The following RCL1 variants were observed in gnomAD, a reference collection of about 807,000 sequenced individuals.
RCL1 encodes the protein RNA 3'-terminal phosphate cyclase-like protein.
Under a neutral mutation model 42.4 loss-of-function variants are expected in RCL1, and 24 were observed. The ratio of observed to expected loss-of-function variants is 0.57; its 90% CI spans 0.41 to 0.80. The LOEUF (loss-of-function observed/expected upper bound fraction) is 0.80. Among genes scored for constraint, RCL1 ranks in the 30% least tolerant of loss-of-function variants. The probability of loss-of-function intolerance (pLI) is 0.00; values close to 1 mark genes in which losing one functional copy is unlikely to be tolerated. For missense variants in RCL1, 578 were observed against 467.9 expected (o/e 1.24, Z -2.17); for synonymous variants, 228 against 177.3 (o/e 1.29, Z -2.27).
intron 1 of RCL1, among the ~76,000 whole-genome samples, chr9:4,795,120 C>G (rs958705459): frequency 2.0e-5 from 3 of 152,116 alleles, no homozygotes; most frequent in African/African-American, 7.2e-5. Flanking sequence ...CTCTGTCTCC[C>G]AGGCTGGAGT....
At chr9:4,826,592 C>T (rs1816770392) in intron 2 of RCL1, among the ~76,000 whole-genome samples, 2 of 152,166 alleles carry the variant, frequency 1.3e-5, no homozygotes, top group African/African-American at 4.8e-5. Context: ...CTGTGCCCTG[C>T]CATGACTCTG....
At chr9:4,840,724 TTTTTCTGCTTCTC>T (rs1817288170) in intron 5 of RCL1, among the ~76,000 whole-genome samples, 1 of 152,214 alleles carries the variant, frequency 6.6e-6, no homozygotes, top group Admixed American at 6.5e-5. Context: ...TTCACTGAAC[TTTTTCTGCTTCTC>T]CCATCAGCAT....
chr9:4,833,817 G>T (rs774653056), intron 4 of RCL1, among the ~76,000 whole-genome samples: 5 of 152,132 alleles, frequency 3.3e-5, no homozygotes, highest in African/African-American at 4.8e-5. Context: ...GAGAAAAAGG[G>T]GTTTCTGATT....
At chr9:4,840,451 G>A (rs983695876) in intron 5 of RCL1, among the ~76,000 whole-genome samples, 4 of 152,112 alleles carry the variant, frequency 2.6e-5, no homozygotes, top group African/African-American at 9.7e-5. Flanking sequence ...GCCAGCTTCT[G>A]TTATAAAGTC....
chr9:4,797,099 G>C (rs989440798), intron 1 of RCL1, among the ~76,000 whole-genome samples: 2 of 152,130 alleles, frequency 1.3e-5, no homozygotes, highest in African/African-American at 2.4e-5. Flanking sequence ...TCTGCCTTTC[G>C]CTATTAGCTC....
In RCL1 at chr9:4,843,392, A is replaced by G. The variant is rs1249552130; in HGVS notation, c.711-1133A>G. Among the ~76,000 whole-genome samples the G allele has an allele frequency of 2.0e-5, 3 of 151,674 alleles. No homozygotes were observed. The East Asian group carries it at 5.8e-4, about 29-fold the overall frequency. On this transcript the variant is annotated intron_variant, in intron 6 of 8. Coordinates refer to ENST00000381750, the MANE Select transcript of RCL1 (RefSeq NM_005772.5). ...CTCACAGTAATTTTTTTTTTTCTTA[A>G]TTGGGTCCTTTACCAAGGAAAGCTG... is the stretch of plus-strand genomic sequence containing the variant.
intron 8 of RCL1, among the ~76,000 whole-genome samples, chr9:4,850,569 A>G (rs1187038018): frequency 1.5e-5 from 2 of 135,212 alleles, no homozygotes; most frequent in Non-Finnish European, 3.1e-5. Flanking sequence ...ACATTCTGTT[A>G]GCAGAGAGGG....
chr9:4,843,710 G>A (rs1032152344), intron 6 of RCL1, among the ~76,000 whole-genome samples: 4 of 152,192 alleles, frequency 2.6e-5, no homozygotes, highest in African/African-American at 9.7e-5. Context: ...GCAGGTAAAT[G>A]GGTAAAGCAG....
At chr9:4,844,780 GC>G (rs1200658425) in intron 7 of RCL1, 99 bp downstream of exon 7, 9 of 1,207,272 alleles carry the variant, frequency 7.5e-6, no homozygotes, top group Non-Finnish European at 1.1e-5. Flanking sequence ...AAGGGCTCAA[GC>G]CAAGGAGATA....
intron 3 of RCL1, among the ~76,000 whole-genome samples, chr9:4,829,735 G>A (rs1425454543): frequency 6.6e-6 from 1 of 152,182 alleles, no homozygotes; most frequent in Non-Finnish European, 1.5e-5. Flanking sequence ...TGGTAGTGGT[G>A]TGTGTATGCA....
rs557449242 is a variant in RCL1 at position 4,802,492 on chromosome 9, C to G, written c.136+9265C>G. Among the ~76,000 whole-genome samples, 53 of 152,262 alleles carry G rather than the reference C, an allele frequency of 3.5e-4. 1 individual carries two copies. Among genetic ancestry groups the G allele is most frequent in the African/African-American group, 1.0e-3 (42 of 41,574 alleles). On this transcript the variant is annotated intron_variant, in intron 1 of 8. Coordinates refer to ENST00000381750, the MANE Select transcript of RCL1 (RefSeq NM_005772.5). ...TTTAATCCATGAACATGATCTGTCT[C>G]TCTACTTACTTAAATCTGTTTCTTT...
chr9:4,848,608 C>T (rs2129701054), intron 7 of RCL1, among the ~76,000 whole-genome samples: 1 of 152,232 alleles, frequency 6.6e-6, no homozygotes, highest in Non-Finnish European at 1.5e-5. Flanking sequence ...TGACTATGTA[C>T]AATATGTTTT....
chr9:4,837,505 A>T (rs985849983), intron 5 of RCL1, among the ~76,000 whole-genome samples: 2 of 151,788 alleles, frequency 1.3e-5, no homozygotes, highest in African/African-American at 4.8e-5. Context: ...GGCGGCCGTG[A>T]ACTTTGTTTG....
chr9:4,834,755 A>G (rs1817065735), intron 5 of RCL1, among the ~76,000 whole-genome samples: 2 of 152,178 alleles, frequency 1.3e-5, no homozygotes, highest in Non-Finnish European at 2.9e-5. Flanking sequence ...GATATCTACT[A>G]TTAAGTATTT....
chr9:4,840,558 G>A (rs1309319240), intron 5 of RCL1, among the ~76,000 whole-genome samples: 1 of 152,176 alleles, frequency 6.6e-6, no homozygotes, highest in Admixed American at 6.5e-5. Flanking sequence ...CCCTATTGTA[G>A]GAGTGCTAAT....
At chr9:4,808,233 A>G (rs1035391666) in intron 1 of RCL1, among the ~76,000 whole-genome samples, 4 of 151,990 alleles carry the variant, frequency 2.6e-5, no homozygotes, top group Non-Finnish European at 5.9e-5. Flanking sequence ...TACATTTAGG[A>G]TTGCTAACAT....
At chr9:4,821,410 G>A (rs1313387451) in intron 1 of RCL1, among the ~76,000 whole-genome samples, 1 of 152,104 alleles carries the variant, frequency 6.6e-6, no homozygotes, top group African/African-American at 2.4e-5. Flanking sequence ...TGGCATTCTT[G>A]GATCCTAGCC....
intron 1 of RCL1, among the ~76,000 whole-genome samples, chr9:4,795,969 G>C (rs1563824109): frequency 6.6e-6 from 1 of 152,192 alleles, no homozygotes; most frequent in Non-Finnish European, 1.5e-5. Context: ...GTGGAGTTCA[G>C]AGCAGACACT....
At chr9:4,830,728 T>C (rs1274486472) in intron 3 of RCL1, among the ~76,000 whole-genome samples, 2 of 152,234 alleles carry the variant, frequency 1.3e-5, no homozygotes, top group Non-Finnish European at 2.9e-5. Flanking sequence ...TGTTTAATTC[T>C]TCTACCAACC....
Sources: allele counts gnomAD v4.1 joint callset (sites outside exome capture counted in the v4.1 genomes callset), GRCh38; gene constraint gnomAD v4.1.1; transcripts MANE v1.5; gene names NCBI Gene and HGNC (gene_info 2026-07-23, HGNC 2026-07-21).